The following ZNF486 variants were observed in gnomAD, a reference collection of about 807,000 sequenced individuals.
The protein encoded by ZNF486 is KRAB box only protein 2.
ZNF486 carries 12 observed loss-of-function variants against 12.8 expected under a neutral mutation model. That is an observed-to-expected ratio of 0.94 (90% CI 0.60 to 1.52). ZNF486 has a LOEUF of 1.52. Ranked by LOEUF, ZNF486 falls within the 40% of genes most tolerant of loss-of-function variation. The probability of loss-of-function intolerance (pLI) is 0.00; values close to 1 mark genes in which losing one functional copy is unlikely to be tolerated. For synonymous variants in ZNF486, 231 were observed against 184.9 expected, an observed-to-expected ratio of 1.25 and a Z score of -2.02; for missense variants, 738 against 545.0, an observed-to-expected ratio of 1.35 and a Z score of -3.53.
chr19:20,170,189 GC>G (rs2089634254), intron 1 of ZNF486, among the ~76,000 whole-genome samples: 1 of 151,210 alleles, frequency 6.6e-6, no homozygotes, highest in Non-Finnish European at 1.5e-5. Context: ...GAGCCACCGC[GC>G]CCGGCCAAAA....
rs534568824 is a variant in ZNF486, at chr19:20,177,267, C to T, written c.31-7089C>T. On this transcript the variant is annotated intron_variant, in intron 1 of 3. Coordinates refer to ENST00000335117, the MANE Select transcript of ZNF486 (RefSeq NM_052852.4). ...GCCACTCCTCTAAACTGTAACTAGC[C>T]AAAATATAGAACACTATTCAACCAT... Among the ~76,000 whole-genome samples, 20 of 152,302 alleles carry T rather than the reference C, an allele frequency of 1.3e-4. No homozygotes were observed. In the South Asian group the frequency reaches 4.1e-3, roughly 32 times the overall value.
intron 3 of ZNF486, among the ~76,000 whole-genome samples, chr19:20,187,296 T>C (rs1439262949): frequency 2.0e-5 from 3 of 152,156 alleles, no homozygotes; most frequent in Non-Finnish European, 4.4e-5. Context: ...ATGTACTATT[T>C]ATTGATTTTT....
At chr19:20,168,598 G>A (rs534907452) in intron 1 of ZNF486, among the ~76,000 whole-genome samples, 1 of 151,578 alleles carries the variant, frequency 6.6e-6, no homozygotes, top group African/African-American at 2.4e-5. Flanking sequence ...AGGTTGCGGT[G>A]AGCCGAGATC....
At chr19:20,179,640 T>A (rs1055099470) in intron 1 of ZNF486, among the ~76,000 whole-genome samples, 1 of 148,576 alleles carries the variant, frequency 6.7e-6, no homozygotes, top group African/African-American at 2.5e-5. Context: ...GCCTGGGATT[T>A]AAAAAAAAAA....
At chr19:20,180,232 GC>G (rs1473638886) in intron 1 of ZNF486, among the ~76,000 whole-genome samples, 2 of 152,188 alleles carry the variant, frequency 1.3e-5, no homozygotes, top group East Asian at 1.9e-4. Flanking sequence ...GTTCATTCAT[GC>G]CCTCATACAA....
At chr19:20,187,322 C>T (rs983631949) in intron 3 of ZNF486, among the ~76,000 whole-genome samples, 3 of 151,876 alleles carry the variant, frequency 2.0e-5, no homozygotes, top group African/African-American at 4.8e-5. Flanking sequence ...CAAGATTATA[C>T]GATCTACAAA....
chr19:20,200,153 C>T lies in ZNF486; in HGVS notation c.*2051C>T, dbSNP rs540964706. 6.6e-6 allele frequency: 1 copy of T among 151,886 alleles called. No homozygotes were observed. The highest frequency in any genetic ancestry group is 1.5e-5 in the Non-Finnish European group (1 of 68,002). The allele number at this position is 151,886 out of a possible 1,614,324, so 9.4% of individuals were successfully genotyped here. On this transcript the variant is annotated 3_prime_UTR_variant, in exon 4 of 4. Transcript: ENST00000335117. ...ATGACATAATACAGCTTTCAAATTA[C>T]TTTATGCTGTTATTTTATTCTTATT...
chr19:20,168,577 C>T lies in ZNF486; in HGVS notation c.30+1217C>T, dbSNP rs1161412115. The stretch of plus-strand genomic sequence containing the variant: ...GCTGAGGCAGGAGAGTTGCTTGAAC[C>T]CGGGAGGAGGAGGTTGCGGTGAGCC... On this transcript the variant is annotated intron_variant, in intron 1 of 3. Transcript: ENST00000335117. Among the ~76,000 whole-genome samples, 3 of 151,802 alleles carry T rather than the reference C, an allele frequency of 2.0e-5. No individual in the cohort carries two copies. In the East Asian group the frequency reaches 5.9e-4, roughly 30 times the overall value.
At chr19:20,182,099 G>A (rs1555715680) in intron 1 of ZNF486, among the ~76,000 whole-genome samples, 1 of 152,124 alleles carries the variant, frequency 6.6e-6, no homozygotes, top group African/African-American at 2.4e-5. Flanking sequence ...GTGGAGATGC[G>A]TTGTCCCTAT....
In ZNF486 at chr19:20,198,097, AC is replaced by A. The variant is rs782107616; in HGVS notation, c.1388del (p.Thr463SerfsTer15). The A allele has an allele frequency of 1.9e-6, 3 of 1,572,026 alleles. No homozygotes were observed. The highest frequency in any genetic ancestry group is 2.6e-6 in the Non-Finnish European group (3 of 1,160,432). On this transcript the variant is annotated frameshift_variant, in exon 4 of 4. Transcript: ENST00000335117. LOFTEE classifies it high-confidence loss of function. Reference sequence around the variant, plus strand: ...AATTCATATTGGACAGAAACCAAGAACGTGACAAAGGATTATTTTATTATTA... The same window carrying A: ...AATTCATATTGGACAGAAACCAAGAAGTGACAAAGGATTATTTTATTATTA... ...KRIHIGQKPR[T>X]
At chr19:20,189,302 C>G (rs2089880086) in intron 3 of ZNF486, among the ~76,000 whole-genome samples, 1 of 152,160 alleles carries the variant, frequency 6.6e-6, no homozygotes, top group South Asian at 2.1e-4. Context: ...AACTCCTGAT[C>G]TCAGGTAATC....
chr19:20,170,189 G>T (rs992343588), intron 1 of ZNF486, among the ~76,000 whole-genome samples: 50 of 151,330 alleles, frequency 3.3e-4, no homozygotes, highest in Middle Eastern at 3.4e-3. Flanking sequence ...GAGCCACCGC[G>T]CCCGGCCAAA....
chr19:20,168,837 G>A (rs1336343976), intron 1 of ZNF486, among the ~76,000 whole-genome samples: 4 of 152,002 alleles, frequency 2.6e-5, no homozygotes, highest in Admixed American at 6.6e-5. Flanking sequence ...AAAAGGAGGG[G>A]GTTAAAAAAA....
At chr19:20,182,550 A>T (rs1191352503) in intron 1 of ZNF486, among the ~76,000 whole-genome samples, 1 of 152,152 alleles carries the variant, frequency 6.6e-6, no homozygotes, top group Admixed American at 6.5e-5. Flanking sequence ...GTTAAGTTCC[A>T]CCTTTGCACT....
At chr19:20,180,836 CT>C (rs1234127388) in intron 1 of ZNF486, among the ~76,000 whole-genome samples, 4 of 151,992 alleles carry the variant, frequency 2.6e-5, no homozygotes, top group African/African-American at 7.2e-5. Flanking sequence ...ATAATTTCTA[CT>C]TTTTTTTACC....
intron 3 of ZNF486, chr19:20,188,449 C>A: frequency 2.5e-6 from 1 of 398,212 alleles, no homozygotes; most frequent in Non-Finnish European, 4.4e-6. Context: ...TTTGGGAGGC[C>A]AACACAGGAG....
intron 1 of ZNF486, among the ~76,000 whole-genome samples, chr19:20,175,747 G>A (rs1000718499): frequency 2.0e-5 from 3 of 152,284 alleles, no homozygotes; most frequent in Middle Eastern, 3.4e-3. Context: ...ACACAGACAC[G>A]GCAACCATCC....
chr19:20,171,123 G>T (rs1335224194), intron 1 of ZNF486, among the ~76,000 whole-genome samples: 1 of 152,144 alleles, frequency 6.6e-6, no homozygotes, highest in African/African-American at 2.4e-5. Context: ...AGAAATGTTT[G>T]ATGTTCAGCA....
intron 3 of ZNF486, among the ~76,000 whole-genome samples, chr19:20,194,283 T>G (rs1418366657): frequency 6.6e-6 from 1 of 152,244 alleles, no homozygotes; most frequent in East Asian, 1.9e-4. Flanking sequence ...GCCAATATAC[T>G]TTCTCAGGAT....
Sources: gnomAD v4.1 joint callset for allele counts (sites outside exome capture counted in the v4.1 genomes callset) on GRCh38, gnomAD v4.1.1 for gene constraint, MANE v1.5 for transcripts, NCBI Gene and HGNC (gene_info 2026-07-23, HGNC 2026-07-21) for gene names.